The following PHC2 variants were observed in gnomAD, a reference collection of about 807,000 sequenced individuals.
PHC2 encodes the protein polyhomeotic homolog 2, also known as polyhomeotic-like protein 2.
In PHC2, 29 loss-of-function variants were observed where a neutral mutation model predicts 87.4. The ratio of observed to expected loss-of-function variants is 0.33; its 90% CI spans 0.25 to 0.45. The LOEUF (loss-of-function observed/expected upper bound fraction) is 0.45, where lower values mean the gene tolerates loss of function less well. Ranked by LOEUF, PHC2 falls within the 20% of genes least tolerant of loss-of-function variation. The probability of loss-of-function intolerance (pLI) is 1.00; values close to 1 mark genes in which losing one functional copy is unlikely to be tolerated. For missense variants in PHC2, 857 were observed against 1,136.7 expected, an observed-to-expected ratio of 0.75 and a Z score of 3.54; for synonymous variants, 438 against 461.7, an observed-to-expected ratio of 0.95 and a Z score of 0.66.
chr1:33,358,985 T>A (rs1474072742), intron 7 of PHC2: 1 of 152,212 alleles, frequency 6.6e-6, no homozygotes, highest in Admixed American at 6.5e-5. Flanking sequence ...GGATTTGAAT[T>A]CCAACTCTGC....
intron 1 of PHC2, among the ~76,000 whole-genome samples, chr1:33,405,638 A>G (rs1175378490): frequency 6.6e-6 from 1 of 151,572 alleles, no homozygotes; most frequent in Non-Finnish European, 1.5e-5. Context: ...TTTTCCCCTA[A>G]CTTCTTTAGA....
chr1:33,329,189 C>T lies in PHC2; in HGVS notation c.2149-43G>A, dbSNP rs1382160940. ...TCTTCAGGATGGGGGAACAAACCATCTCTAGCAGCAGTGATGAACAAAGGA... is the reference window on the plus strand; with the variant it reads ...TCTTCAGGATGGGGGAACAAACCATTTCTAGCAGCAGTGATGAACAAAGGA... On this transcript the variant is annotated intron_variant, in intron 13 of 14. Transcript: ENST00000683057. The T allele has an allele frequency of 2.5e-6, 4 of 1,590,682 alleles. No homozygotes were observed. The African/African-American group carries it at 4.0e-5, about 16-fold the overall frequency.
chr1:33,405,653 T>C (rs1424124359), intron 1 of PHC2, among the ~76,000 whole-genome samples: 3 of 152,242 alleles, frequency 2.0e-5, no homozygotes, highest in African/African-American at 7.2e-5. Flanking sequence ...TTTAGATGAA[T>C]TTAAAGCCAT....
Position 33,370,891 on chromosome 1 carries a change from C to G in PHC2, c.411+126G>C, listed in dbSNP as rs891183854. 4 of 817,202 alleles carry G rather than the reference C, an allele frequency of 4.9e-6. No individual in the cohort carries two copies. The Admixed American group carries it at 7.6e-5, about 16-fold the overall frequency. 50.6% of individuals were successfully genotyped at this position (817,202 alleles called of 1,614,324 possible). ...AGACATGCCCTTTTCTTTTTCTTCC[C>G]GGTAAGGGCAATAGATTCCAGCCAT... On this transcript the variant is annotated intron_variant, in intron 4 of 14. Coordinates refer to ENST00000683057, the MANE Select transcript of PHC2 (RefSeq NM_001385109.1).
intron 1 of PHC2, chr1:33,392,562 T>G (rs1296930153): frequency 1.3e-5 from 2 of 152,340 alleles, no homozygotes; most frequent in East Asian, 3.9e-4. Flanking sequence ...TTGCTTCTAT[T>G]ATAGCTCCTG....
intron 9 of PHC2, among the ~76,000 whole-genome samples, chr1:33,343,468 CAAA>C (rs71006394): frequency 5.0e-5 from 3 of 59,840 alleles, no homozygotes; most frequent in African/African-American, 2.3e-4. Flanking sequence ...GACTCTGTCT[CAAA>C]AAAAAAAAAA....
chr1:33,410,314 T>A (rs928077529), intron 1 of PHC2, among the ~76,000 whole-genome samples: 1 of 152,302 alleles, frequency 6.6e-6, no homozygotes, highest in Admixed American at 6.5e-5. Context: ...TGTGAATGAC[T>A]CTCTCAGGGA....
At chr1:33,407,490 G>A (rs1455814476) in intron 1 of PHC2, among the ~76,000 whole-genome samples, 2 of 152,136 alleles carry the variant, frequency 1.3e-5, no homozygotes, top group Non-Finnish European at 2.9e-5. Flanking sequence ...GAGGTTCCCT[G>A]GACTACCTGA....
At position 33,368,548 on chromosome 1, in the gene PHC2, G is replaced by T. The variant is rs773234689; in HGVS notation, c.651C>A (p.Pro217=). 5.5e-5 allele frequency: 85 copies of T among 1,532,930 alleles called. No individual in the cohort carries two copies. Among genetic ancestry groups the T allele is most frequent in the Admixed American group, 4.9e-4 (25 of 50,714 alleles). The allele number at this position is 1,532,930 out of a possible 1,614,324, so 95.0% of individuals were successfully genotyped here. ...ELGTGSPARP[P]TPAQVQNLTL... Reference sequence around the variant, plus strand: ...ATGGAGTCCTCACCTGGGCGGGGGTGGGGGGCCGGGCGGGGGAGCCAGTGC... The same window carrying T: ...ATGGAGTCCTCACCTGGGCGGGGGTTGGGGGCCGGGCGGGGGAGCCAGTGC... The change falls in exon 6 of 15, where the codon CCC becomes CCA. Residue 217 remains proline (P), a synonymous_variant. Coordinates refer to ENST00000683057, the MANE Select transcript of PHC2 (RefSeq NM_001385109.1). The surrounding 1 kb of genome is among the most constrained non-coding windows in gnomAD (Gnocchi z 6.6).
rs142417488 is a variant in PHC2, at chr1:33,420,221, G to C, written c.-55+10755C>G. On this transcript the variant is annotated intron_variant, in intron 1 of 14. Coordinates refer to ENST00000683057, the MANE Select transcript of PHC2 (RefSeq NM_001385109.1). ...TCAAGGCACAATCCATTCGCCTAGA[G>C]ATAGGTCCCCAAACTGTAAGCATTG... is the stretch of plus-strand genomic sequence containing the variant. Among the ~76,000 whole-genome samples, 409 of 152,324 alleles carry C rather than the reference G, an allele frequency of 2.7e-3. 2 individuals are homozygous for C. Among genetic ancestry groups the C allele is most frequent in the African/African-American group, 9.5e-3 (393 of 41,570 alleles).
At chr1:33,330,901 C>T (rs1185496544) in intron 12 of PHC2, among the ~76,000 whole-genome samples, 3 of 152,182 alleles carry the variant, frequency 2.0e-5, no homozygotes, top group South Asian at 2.1e-4. Context: ...ATGAGATAAT[C>T]GTATCAATTG....
chr1:33,339,754 G>A (rs1054027188), intron 9 of PHC2, among the ~76,000 whole-genome samples: 1 of 152,216 alleles, frequency 6.6e-6, no homozygotes, highest in Non-Finnish European at 1.5e-5. Flanking sequence ...CTTAGTACAG[G>A]TTAAGTATCC....
chr1:33,330,709 C>G (rs774615568), intron 12 of PHC2, among the ~76,000 whole-genome samples: 1 of 152,210 alleles, frequency 6.6e-6, no homozygotes, highest in Non-Finnish European at 1.5e-5. Context: ...GCTTCAAGGT[C>G]AGCTGTTGCT....
intron 1 of PHC2, among the ~76,000 whole-genome samples, chr1:33,380,233 A>C (rs1235268249): frequency 6.6e-6 from 1 of 152,096 alleles, no homozygotes; most frequent in Admixed American, 6.5e-5. Flanking sequence ...CATTAACTAC[A>C]CTCACCTGTT....
At position 33,349,839 on chromosome 1, in the gene PHC2, C is replaced by G. The variant is rs1000607309; in HGVS notation, c.1558+4562G>C. On this transcript the variant is annotated intron_variant, in intron 9 of 14. Coordinates refer to ENST00000683057, the MANE Select transcript of PHC2 (RefSeq NM_001385109.1). This position sits in a 1 kb window ranked among gnomAD's most constrained non-coding sequence, Gnocchi z 4.2. The stretch of plus-strand genomic sequence containing the variant: ...CCGGGGCGGGAGCGCGGGCGGCGGC[C>G]GGGGTTGCGCGCGCGCGCGCGGCGG... The G allele has an allele frequency of 4.1e-6, 4 of 975,580 alleles. No homozygotes were observed. The highest frequency in any genetic ancestry group is 4.8e-6 in the Non-Finnish European group (4 of 824,764). 60.4% of individuals were successfully genotyped at this position (975,580 alleles called of 1,614,324 possible). A position where few individuals can be genotyped will look rare whatever the true frequency, so the allele number is the denominator to read the frequency against.
intron 1 of PHC2, among the ~76,000 whole-genome samples, chr1:33,377,853 C>A (rs1648263682): frequency 6.6e-6 from 1 of 151,910 alleles, no homozygotes; most frequent in Non-Finnish European, 1.5e-5. Flanking sequence ...TCACTGTGGG[C>A]TGAAAAAAGT....
intron 1 of PHC2, among the ~76,000 whole-genome samples, chr1:33,391,831 G>A (rs1214927264): frequency 3.9e-5 from 6 of 152,144 alleles, no homozygotes; most frequent in Non-Finnish European, 4.4e-5. Context: ...ATGAGGAGTC[G>A]TTAATCTGGC....
chr1:33,328,838 C>G, intron 14 of PHC2, 32 bp downstream of exon 14: 6 of 1,579,466 alleles, frequency 3.8e-6, no homozygotes, highest in Non-Finnish European at 5.2e-6. Flanking sequence ...CCTTGCTATT[C>G]CGGGGAGACA....
At chr1:33,348,942 G>A in intron 9 of PHC2, 1 of 433,862 alleles carries the variant, frequency 2.3e-6, no homozygotes, top group Non-Finnish European at 3.1e-6. Flanking sequence ...CGTCGCCACT[G>A]GTTTGCAACC....
Sources: allele counts gnomAD v4.1 joint callset (sites outside exome capture counted in the v4.1 genomes callset), GRCh38; gene constraint gnomAD v4.1.1; non-coding constraint Gnocchi (gnomAD v3.1); transcripts MANE v1.5; gene names NCBI Gene and HGNC (gene_info 2026-07-23, HGNC 2026-07-21).